The following ADARB2 variants were observed in gnomAD, a reference collection of about 807,000 sequenced individuals.
ADARB2 encodes inactive double-stranded RNA-specific editase B2.
A neutral mutation model predicts 62.2 loss-of-function variants in ADARB2; 25 were observed. The ratio of observed to expected loss-of-function variants is 0.40; its 90% CI spans 0.29 to 0.56. The LOEUF (loss-of-function observed/expected upper bound fraction) is 0.56, where lower values mean the gene tolerates loss of function less well. Among genes scored for constraint, ADARB2 ranks in the 20% least tolerant of loss-of-function variants. ADARB2 has a pLI of 0.43. For synonymous variants in ADARB2, 572 were observed against 500.8 expected, an observed-to-expected ratio of 1.14 and a Z score of -1.90; for missense variants, 1,071 against 1,077.4, an observed-to-expected ratio of 0.99 and a Z score of 0.08.
chr10:1,356,947 C>T (rs1832201532), intron 3 of ADARB2, among the ~76,000 whole-genome samples: 1 of 152,198 alleles, frequency 6.6e-6, no homozygotes, highest in South Asian at 2.1e-4. Context: ...AGACCTTTGC[C>T]ACGACAGAAA....
intron 1 of ADARB2, among the ~76,000 whole-genome samples, chr10:1,449,115 A>C (rs945760152): frequency 6.6e-6 from 1 of 152,156 alleles, no homozygotes; most frequent in Non-Finnish European, 1.5e-5. Context: ...TCTTTCCATG[A>C]GTCTGGATGA....
At chr10:1,189,934 G>A (rs996063211) in intron 8 of ADARB2, among the ~76,000 whole-genome samples, 2 of 150,406 alleles carry the variant, frequency 1.3e-5, no homozygotes, top group African/African-American at 5.0e-5. Context: ...TCCTTCCCCC[G>A]AACACGTGGC....
intron 4 of ADARB2, among the ~76,000 whole-genome samples, chr10:1,257,091 T>C (rs1831086786): frequency 6.6e-6 from 1 of 152,236 alleles, no homozygotes; most frequent in South Asian, 2.1e-4. Flanking sequence ...TTGAATCAGC[T>C]CAGAGGCGAG....
At chr10:1,614,759 A>C (rs935173211) in intron 1 of ADARB2, among the ~76,000 whole-genome samples, 1 of 152,170 alleles carries the variant, frequency 6.6e-6, no homozygotes, top group African/African-American at 2.4e-5. Flanking sequence ...AAGATACAAA[A>C]AATTAGCCGG....
In ADARB2 at chr10:1,691,739, C is replaced by T. The variant is rs142801997; in HGVS notation, c.100+45312G>A. Among the ~76,000 whole-genome samples the T allele has an allele frequency of 5.6e-3, 848 of 152,274 alleles. 9 individuals carry two copies. The highest frequency in any genetic ancestry group is 0.014 in the Middle Eastern group (4 of 294). ...CTCAACTGCTTGCTCTGGTTCGTCC[C>T]GCACCACCTCCCACCACATCCCACT... is the stretch of plus-strand genomic sequence containing the variant. On this transcript the variant is annotated intron_variant, in intron 1 of 9. Transcript: ENST00000381312.
intron 3 of ADARB2, among the ~76,000 whole-genome samples, chr10:1,285,656 CCA>C (rs1369683054): frequency 6.6e-6 from 1 of 152,180 alleles, no homozygotes; most frequent in Non-Finnish European, 1.5e-5. Context: ...CTGTTAGCTC[CCA>C]CTTTTTGTTG....
intron 1 of ADARB2, among the ~76,000 whole-genome samples, chr10:1,511,555 A>G (rs1168188296): frequency 6.6e-6 from 1 of 152,120 alleles, no homozygotes; most frequent in Non-Finnish European, 1.5e-5. Flanking sequence ...GTCTGAAAGG[A>G]GTGAAGAATC....
chr10:1,435,496 C>T (rs1830825803), intron 1 of ADARB2, among the ~76,000 whole-genome samples: 1 of 152,008 alleles, frequency 6.6e-6, no homozygotes, highest in African/African-American at 2.4e-5. Context: ...GGACCATTAA[C>T]GAGGGGGCCT....
At chr10:1,658,394 TTCTC>T (rs377038119) in intron 1 of ADARB2, among the ~76,000 whole-genome samples, 115 of 152,054 alleles carry the variant, frequency 7.6e-4, no homozygotes, top group African/African-American at 2.6e-3. Flanking sequence ...TCTCTTGTCT[TTCTC>T]TGTCTCTATC....
chr10:1,347,834 T>C (rs1418982660), intron 3 of ADARB2, among the ~76,000 whole-genome samples: 1 of 151,540 alleles, frequency 6.6e-6, no homozygotes, highest in African/African-American at 2.4e-5. Flanking sequence ...TCAGGGTAAT[T>C]GGGAGATGAA....
At chr10:1,282,508 G>A (rs1179577176) in intron 3 of ADARB2, among the ~76,000 whole-genome samples, 5 of 152,224 alleles carry the variant, frequency 3.3e-5, no homozygotes, top group Non-Finnish European at 7.3e-5. Flanking sequence ...GACATAGGGT[G>A]TTAGAAGCTA....
At chr10:1,586,602 G>A (rs965915581) in intron 1 of ADARB2, among the ~76,000 whole-genome samples, 14 of 152,162 alleles carry the variant, frequency 9.2e-5, no homozygotes, top group Non-Finnish European at 2.9e-5. Context: ...TCAATCAGGT[G>A]ATGGTTAGAT....
At chr10:1,504,180 C>T (rs1380745209) in intron 1 of ADARB2, among the ~76,000 whole-genome samples, 3 of 152,138 alleles carry the variant, frequency 2.0e-5, no homozygotes, top group Non-Finnish European at 4.4e-5. Context: ...GGTCCTGGAT[C>T]TGCAGCTCCA....
intron 1 of ADARB2, among the ~76,000 whole-genome samples, chr10:1,425,849 T>C (rs1832889541): frequency 1.3e-5 from 2 of 152,186 alleles, no homozygotes; most frequent in Admixed American, 1.3e-4. Context: ...CTGGAATAGA[T>C]TAGCAAACAT....
intron 1 of ADARB2, among the ~76,000 whole-genome samples, chr10:1,571,169 G>A (rs1832928651): frequency 6.6e-6 from 1 of 152,118 alleles, no homozygotes; most frequent in African/African-American, 2.4e-5. Context: ...GTCTTTTCTT[G>A]AAGGCCCTCG....
At chr10:1,639,825 G>C (rs1263222605) in intron 1 of ADARB2, among the ~76,000 whole-genome samples, 1 of 152,122 alleles carries the variant, frequency 6.6e-6, no homozygotes, top group African/African-American at 2.4e-5. Context: ...CTGGATGACA[G>C]AGTGAGACTC....
chr10:1,513,196 A>C (rs901723351), intron 1 of ADARB2, among the ~76,000 whole-genome samples: 3 of 152,240 alleles, frequency 2.0e-5, no homozygotes, highest in Non-Finnish European at 4.4e-5. Context: ...AGATATATAC[A>C]ATAACAGTAA....
chr10:1,191,007 C>T (rs1836835278), intron 8 of ADARB2, among the ~76,000 whole-genome samples: 1 of 150,822 alleles, frequency 6.6e-6, no homozygotes, highest in African/African-American at 2.5e-5. Context: ...CAGGGGTTTG[C>T]ACGCTCTGGG....
At chr10:1,470,991 G>A (rs1455777910) in intron 1 of ADARB2, among the ~76,000 whole-genome samples, 7 of 152,182 alleles carry the variant, frequency 4.6e-5, no homozygotes, top group African/African-American at 1.7e-4. Flanking sequence ...CCCGGGAGGC[G>A]GAGCTTGCAG....
Sources: allele counts gnomAD v4.1 joint callset (sites outside exome capture counted in the v4.1 genomes callset), GRCh38; gene constraint gnomAD v4.1.1; transcripts MANE v1.5; gene names NCBI Gene and HGNC (gene_info 2026-07-23, HGNC 2026-07-21).